CDK14: variants seen among roughly 807,000 people sequenced by gnomAD.
The protein encoded by CDK14 is cyclin-dependent kinase 14.
A neutral mutation model predicts 60.7 loss-of-function variants in CDK14; 34 were observed. That is an observed-to-expected ratio of 0.56 (90% CI 0.43 to 0.75). The LOEUF (loss-of-function observed/expected upper bound fraction) is 0.75. Ranked by LOEUF, CDK14 falls within the 30% of genes least tolerant of loss-of-function variation. The probability of loss-of-function intolerance (pLI) is 0.00; values close to 1 mark genes in which losing one functional copy is unlikely to be tolerated. For synonymous variants in CDK14, 197 were observed against 203.7 expected (o/e 0.97, Z 0.28); for missense variants, 482 against 564.1 (o/e 0.85, Z 1.47).
intron 14 of CDK14, among the ~76,000 whole-genome samples, chr7:91,174,447 G>C (rs1295487475): frequency 3.3e-5 from 5 of 151,796 alleles, no homozygotes; most frequent in African/African-American, 1.2e-4. Context: ...ACGGAACAAA[G>C]CTGGATGGAG....
intron 10 of CDK14, among the ~76,000 whole-genome samples, chr7:91,000,407 C>CT (rs1795804828): frequency 6.6e-6 from 1 of 152,200 alleles, no homozygotes; most frequent in African/African-American, 2.4e-5. Flanking sequence ...CTGTGGCTTA[C>CT]TTTTTGCTGA....
chr7:90,768,375 G>A (rs1468405880), intron 4 of CDK14, among the ~76,000 whole-genome samples: 3 of 152,224 alleles, frequency 2.0e-5, no homozygotes, highest in African/African-American at 4.8e-5. Context: ...GTGCACATGT[G>A]TGTGAGTGTG....
intron 5 of CDK14, among the ~76,000 whole-genome samples, chr7:90,834,806 TG>T (rs2117122758): frequency 6.6e-6 from 1 of 152,296 alleles, no homozygotes; most frequent in East Asian, 1.9e-4. Flanking sequence ...GGGGCAGATC[TG>T]GGGGAAATCA....
chr7:90,844,058 C>G (rs1427221878), intron 5 of CDK14, among the ~76,000 whole-genome samples: 6 of 152,032 alleles, frequency 3.9e-5, no homozygotes, highest in Admixed American at 3.9e-4. Context: ...TATCATTACT[C>G]CTTGGAGTGT....
At chr7:91,043,839 A>G (rs1460037347) in intron 10 of CDK14, among the ~76,000 whole-genome samples, 4 of 152,190 alleles carry the variant, frequency 2.6e-5, no homozygotes, top group Non-Finnish European at 5.9e-5. Flanking sequence ...CATGTATTTA[A>G]TCCTGATTCA....
chr7:90,653,386 A>G (rs1235911424), intron 2 of CDK14, among the ~76,000 whole-genome samples: 1 of 151,806 alleles, frequency 6.6e-6, no homozygotes, highest in Non-Finnish European at 1.5e-5. Context: ...CAGATTTATT[A>G]TTCCCCTAGC....
chr7:90,712,186 T>A (rs1002191042), intron 2 of CDK14, among the ~76,000 whole-genome samples: 3 of 152,126 alleles, frequency 2.0e-5, no homozygotes, highest in Non-Finnish European at 2.9e-5. Flanking sequence ...AGTTTATAAT[T>A]CAGTGGCATT....
At chr7:90,637,101 A>AT (rs1201761092) in intron 2 of CDK14, among the ~76,000 whole-genome samples, 1 of 152,050 alleles carries the variant, frequency 6.6e-6, no homozygotes, top group African/African-American at 2.4e-5. Context: ...GGATTCATTA[A>AT]TTTTTTAAAG....
In CDK14 at chr7:90,924,741, C is replaced by T. The variant is rs1193102357; in HGVS notation, c.826+7017C>T. Among the ~76,000 whole-genome samples the T allele has an allele frequency of 2.6e-5, 4 of 151,982 alleles. No homozygotes were observed. The East Asian group carries it at 5.8e-4, about 22-fold the overall frequency. ...TTTGTGATTTTAAACCTTTGTTTCT[C>T]ACTTTAATACCACCAGTTCAATATT... On this transcript the variant is annotated intron_variant, in intron 8 of 14. Transcript: ENST00000380050.
Position 90,719,070 on chromosome 7 carries a change from G to A in CDK14, c.124-7497G>A, listed in dbSNP as rs116667936. ...TATATTGGGAGCAGATTTTGAGTAGGATAAAGCCATCAGGCCCTCCTGGGG... is the reference window on the plus strand; with the variant it reads ...TATATTGGGAGCAGATTTTGAGTAGAATAAAGCCATCAGGCCCTCCTGGGG... On this transcript the variant is annotated intron_variant, in intron 2 of 14. Transcript: ENST00000380050. Among the ~76,000 whole-genome samples the A allele has an allele frequency of 4.0e-3, 613 of 152,140 alleles. 10 individuals are homozygous for A. Among genetic ancestry groups the A allele is most frequent in the African/African-American group, 0.014 (588 of 41,500 alleles).
At chr7:91,054,618 A>C (rs575503622) in intron 11 of CDK14, among the ~76,000 whole-genome samples, 19 of 152,188 alleles carry the variant, frequency 1.2e-4, no homozygotes, top group Non-Finnish European at 1.8e-4. Context: ...GCTAAAGTTG[A>C]GAGTCGGTGT....
At chr7:90,953,594 T>C (rs1249932817) in intron 8 of CDK14, among the ~76,000 whole-genome samples, 3 of 152,210 alleles carry the variant, frequency 2.0e-5, no homozygotes, top group African/African-American at 4.8e-5. Context: ...TATTTTCCCC[T>C]TTACAACTGG....
chr7:90,685,294 T>A (rs1226472655), intron 2 of CDK14, among the ~76,000 whole-genome samples: 1 of 152,124 alleles, frequency 6.6e-6, no homozygotes, highest in Non-Finnish European at 1.5e-5. Context: ...CTTGGGCCTG[T>A]ATCTCAATGA....
Position 91,208,240 on chromosome 7 carries a change from GT to G in CDK14, c.*1108del, listed in dbSNP as rs1191197459. 1.3e-5 allele frequency: 2 copies of G among 152,644 alleles called. No individual in the cohort carries two copies. Among genetic ancestry groups the G allele is most frequent in the Non-Finnish European group, 2.9e-5 (2 of 68,038 alleles). 9.5% of individuals were successfully genotyped at this position (152,644 alleles called of 1,614,324 possible). A position where few individuals can be genotyped will look rare whatever the true frequency, so the allele number is the denominator to read the frequency against. On this transcript the variant is annotated 3_prime_UTR_variant, in exon 15 of 15. Coordinates refer to ENST00000380050, the MANE Select transcript of CDK14 (RefSeq NM_001287135.2). ...TCCTGGAATAACTGTTCAAATGCAG[GT>G]TTTAGAAACAATGCAGGAATCTTGC...
intron 10 of CDK14, among the ~76,000 whole-genome samples, chr7:90,992,091 TAAAG>T (rs1795556542): frequency 2.0e-5 from 3 of 152,192 alleles, no homozygotes; most frequent in Admixed American, 6.5e-5. Context: ...GATGTTCTAA[TAAAG>T]AAAGTTCTAT....
In CDK14 at chr7:90,954,871, C is replaced by T. The variant is rs1584163468; in HGVS notation, c.827-826C>T. ...CGATCTCCTGACCTCGTGATCCGCCCGCCTCGGCCTCCCAAAGTGCTGGGA... is the reference window on the plus strand; with the variant it reads ...CGATCTCCTGACCTCGTGATCCGCCTGCCTCGGCCTCCCAAAGTGCTGGGA... On this transcript the variant is annotated intron_variant, in intron 8 of 14. Coordinates refer to ENST00000380050, the MANE Select transcript of CDK14 (RefSeq NM_001287135.2). Among the ~76,000 whole-genome samples, 2 of 2,752 alleles carry T rather than the reference C, an allele frequency of 7.3e-4. 1 individual carries two copies. The highest frequency in any genetic ancestry group is 0.027 in the South Asian group (2 of 74). 1.8% of individuals were successfully genotyped at this position (2,752 alleles called of 152,430 possible).
chr7:90,915,080 A>G (rs1053173338), intron 7 of CDK14, among the ~76,000 whole-genome samples: 5 of 152,162 alleles, frequency 3.3e-5, no homozygotes, highest in Non-Finnish European at 5.9e-5. Flanking sequence ...AGGGAGGAGC[A>G]GTTCCTGAGG....
intron 12 of CDK14, among the ~76,000 whole-genome samples, chr7:91,108,566 T>A (rs1324717453): frequency 1.3e-5 from 2 of 152,236 alleles, no homozygotes; most frequent in Non-Finnish European, 2.9e-5. Flanking sequence ...GATTTATTCC[T>A]TCAGTCATTT....
At chr7:90,692,703 TTA>T in intron 2 of CDK14, 1 of 951,776 alleles carries the variant, frequency 1.1e-6, no homozygotes, top group Non-Finnish European at 1.3e-6. Context: ...GAGGAATAAA[TTA>T]TATATATAAT....
Sources: gnomAD v4.1 joint callset for allele counts (sites outside exome capture counted in the v4.1 genomes callset) on GRCh38, gnomAD v4.1.1 for gene constraint, MANE v1.5 for transcripts, NCBI Gene and HGNC (gene_info 2026-07-23, HGNC 2026-07-21) for gene names.